The following SRBD1 variants were observed in gnomAD, a reference collection of about 807,000 sequenced individuals.
SRBD1 encodes the protein S1 RNA binding domain 1, also known as S1 RNA-binding domain-containing protein 1.
A neutral mutation model predicts 115.3 loss-of-function variants in SRBD1; 88 were observed. That is an observed-to-expected ratio of 0.76 (90% CI 0.64 to 0.91). The LOEUF is 0.91. SRBD1 is among the 40% of genes least tolerant of loss of function. SRBD1 has a pLI of 0.00. For synonymous variants in SRBD1, 509 were observed against 407.7 expected (o/e 1.25, Z -2.99); for missense variants, 1,385 against 1,177.4 (o/e 1.18, Z -2.58).
At chr2:45,462,020 C>G (rs962751782) in intron 16 of SRBD1, among the ~76,000 whole-genome samples, 19 of 151,442 alleles carry the variant, frequency 1.3e-4, no homozygotes, top group Non-Finnish European at 2.1e-4. Flanking sequence ...AGAAAAGAAA[C>G]AGAGATTAAA....
In SRBD1 at chr2:45,511,192, G is replaced by T. The variant is rs775508507; in HGVS notation, c.1875-22861C>A. ...TCATTTAACGTTTTTCTATTGCTTTGGATGAGCAAATAAAATCCTCTAAGA... is the reference window on the plus strand; with the variant it reads ...TCATTTAACGTTTTTCTATTGCTTTTGATGAGCAAATAAAATCCTCTAAGA... On this transcript the variant is annotated intron_variant, in intron 14 of 20. Transcript: ENST00000263736. 2.6e-5 allele frequency among the ~76,000 whole-genome samples: 4 copies of T among 152,108 alleles called. No individual in the cohort carries two copies. In the South Asian group the frequency reaches 6.2e-4, roughly 24 times the overall value.
intron 19 of SRBD1, among the ~76,000 whole-genome samples, chr2:45,395,093 C>CAA (rs1311574535): frequency 6.6e-6 from 1 of 152,204 alleles, no homozygotes; most frequent in East Asian, 1.9e-4. Context: ...CTTCCTTATA[C>CAA]AACTTTCTAA....
At chr2:45,571,300 G>A (rs573099617) in intron 9 of SRBD1, among the ~76,000 whole-genome samples, 15 of 151,780 alleles carry the variant, frequency 9.9e-5, no homozygotes, top group African/African-American at 3.6e-4. Context: ...TTTGGCTCCA[G>A]GCATTTAGGG....
At chr2:45,472,387 C>T (rs1420923121) in intron 16 of SRBD1, among the ~76,000 whole-genome samples, 1 of 152,192 alleles carries the variant, frequency 6.6e-6, no homozygotes, top group African/African-American at 2.4e-5. Context: ...ATTTTCACAA[C>T]TCCATGACTA....
At chr2:45,599,205 T>C (rs1674007453) in intron 4 of SRBD1, among the ~76,000 whole-genome samples, 1 of 152,146 alleles carries the variant, frequency 6.6e-6, no homozygotes, top group African/African-American at 2.4e-5. Flanking sequence ...TAGTTTATGT[T>C]CACTAAAACA....
At chr2:45,543,494 G>A (rs568733942) in intron 14 of SRBD1, among the ~76,000 whole-genome samples, 2 of 152,270 alleles carry the variant, frequency 1.3e-5, no homozygotes, top group Admixed American at 1.3e-4. Context: ...AGGTTTTTCA[G>A]GATGAGTGGC....
At chr2:45,490,205 T>C (rs1169017314) in intron 14 of SRBD1, among the ~76,000 whole-genome samples, 2 of 152,126 alleles carry the variant, frequency 1.3e-5, no homozygotes, top group Non-Finnish European at 2.9e-5. Context: ...TAATGTGATG[T>C]TAAAACTAAA....
At chr2:45,393,250 T>G in intron 19 of SRBD1, 121 bp from the exon 20 acceptor site, 1 of 1,013,664 alleles carries the variant, frequency 9.9e-7, no homozygotes, top group South Asian at 2.3e-5. Context: ...TCAGTCTTTA[T>G]TGAGAATCTA....
At chr2:45,431,471 C>T (rs996139926) in intron 16 of SRBD1, among the ~76,000 whole-genome samples, 1 of 152,184 alleles carries the variant, frequency 6.6e-6, no homozygotes, top group Non-Finnish European at 1.5e-5. Flanking sequence ...GAGTTCATGT[C>T]CTTTGCAGGG....
chr2:45,435,425 G>C (rs747076724), intron 16 of SRBD1, among the ~76,000 whole-genome samples: 16 of 152,058 alleles, frequency 1.1e-4, no homozygotes, highest in Non-Finnish European at 1.2e-4. Context: ...AAGGTTTTAA[G>C]AGTATGATAT....
At chr2:45,427,295 A>C (rs1189131066) in intron 16 of SRBD1, among the ~76,000 whole-genome samples, 1 of 152,204 alleles carries the variant, frequency 6.6e-6, no homozygotes, top group Non-Finnish European at 1.5e-5. Flanking sequence ...CTTAAATGTA[A>C]ATGTGCTAAA....
chr2:45,491,310 G>A (rs923829116), intron 14 of SRBD1, among the ~76,000 whole-genome samples: 9 of 151,996 alleles, frequency 5.9e-5, no homozygotes, highest in African/African-American at 1.7e-4. Flanking sequence ...TATATCTAAC[G>A]ATTTAATATT....
intron 16 of SRBD1, among the ~76,000 whole-genome samples, chr2:45,460,211 C>A (rs1440407851): frequency 6.6e-6 from 1 of 152,182 alleles, no homozygotes; most frequent in Non-Finnish European, 1.5e-5. Flanking sequence ...CTGCTGCCAT[C>A]ACTGGGTCAG....
intron 4 of SRBD1, among the ~76,000 whole-genome samples, chr2:45,590,260 G>A (rs547875411): frequency 7.9e-5 from 12 of 152,300 alleles, no homozygotes; most frequent in East Asian, 3.9e-4. Flanking sequence ...ATTCCTAGGC[G>A]TACGCTGAAC....
chr2:45,402,224 G>A (rs1667310750), intron 19 of SRBD1, among the ~76,000 whole-genome samples: 1 of 152,090 alleles, frequency 6.6e-6, no homozygotes. Context: ...TATCTGTTGG[G>A]TTAATCTACT....
chr2:45,439,592 A>G (rs558367084), intron 16 of SRBD1, among the ~76,000 whole-genome samples: 2 of 151,964 alleles, frequency 1.3e-5, no homozygotes, highest in Non-Finnish European at 2.9e-5. Flanking sequence ...TTTTCTGCCA[A>G]AATAAGGCAG....
At chr2:45,420,031 G>T in intron 16 of SRBD1, 137 bp from the exon 17 acceptor site, 1 of 725,976 alleles carries the variant, frequency 1.4e-6, no homozygotes, top group Non-Finnish European at 2.3e-6. Context: ...CACACTGTTA[G>T]CAGAATTAAG....
chr2:45,485,588 T>C (rs1313377601), intron 15 of SRBD1, among the ~76,000 whole-genome samples: 1 of 152,190 alleles, frequency 6.6e-6, no homozygotes, highest in Non-Finnish European at 1.5e-5. Context: ...TGGGGGAATA[T>C]AAGCATATAT....
At chr2:45,552,261 T>C (rs1672325488) in intron 11 of SRBD1, among the ~76,000 whole-genome samples, 1 of 152,192 alleles carries the variant, frequency 6.6e-6, no homozygotes, top group Non-Finnish European at 1.5e-5. Flanking sequence ...GCTATTCAGG[T>C]TAAGTATTCC....
Sources: gnomAD v4.1 joint callset for allele counts (sites outside exome capture counted in the v4.1 genomes callset) on GRCh38, gnomAD v4.1.1 for gene constraint, MANE v1.5 for transcripts, NCBI Gene and HGNC (gene_info 2026-07-23, HGNC 2026-07-21) for gene names.